EYS: variants seen among roughly 807,000 people sequenced by gnomAD.
EYS encodes the protein protein eyes shut homolog.
A neutral mutation model predicts 282.1 loss-of-function variants in EYS; 250 were observed. The ratio of observed to expected loss-of-function variants is 0.89; its 90% confidence interval spans 0.80 to 0.98. EYS has a LOEUF of 0.98. EYS is among the 50% of genes least tolerant of loss of function. EYS has a pLI of 0.00. For missense variants in EYS, 4,016 were observed against 3,709.0 expected (o/e 1.08, Z -2.15); for synonymous variants, 1,355 against 1,282.9 (o/e 1.06, Z -1.20).
At chr6:65,261,590 T>G (rs1187464909) in intron 12 of EYS, among the ~76,000 whole-genome samples, 1 of 152,050 alleles carries the variant, frequency 6.6e-6, no homozygotes, top group African/African-American at 2.4e-5. Flanking sequence ...ATAAAACAGA[T>G]AAAGCAACTA....
At chr6:65,444,029 T>G (rs1335323285) in intron 5 of EYS, among the ~76,000 whole-genome samples, 2 of 151,892 alleles carry the variant, frequency 1.3e-5, no homozygotes, top group Non-Finnish European at 2.9e-5. Flanking sequence ...GGTTCAATGG[T>G]TAAAAGTAAG....
chr6:64,538,347 TA>T (rs1764593455), intron 26 of EYS, among the ~76,000 whole-genome samples: 1 of 152,226 alleles, frequency 6.6e-6, no homozygotes, highest in South Asian at 2.1e-4. Context: ...TAACTTTTAA[TA>T]ACTTTGATTT....
chr6:63,919,180 C>T (rs1177566689), intron 35 of EYS, among the ~76,000 whole-genome samples: 1 of 151,924 alleles, frequency 6.6e-6, no homozygotes, highest in Non-Finnish European at 1.5e-5. Flanking sequence ...AGGAAGGTAG[C>T]AGTGAGTTTG....
intron 2 of EYS, among the ~76,000 whole-genome samples, chr6:65,581,918 G>A (rs950143799): frequency 1.3e-5 from 2 of 151,784 alleles, no homozygotes; most frequent in Non-Finnish European, 2.9e-5. Flanking sequence ...GGCTGGGCAT[G>A]GTGGCTCACA....
At chr6:63,753,642 C>A (rs114403409) in intron 41 of EYS, among the ~76,000 whole-genome samples, 1 of 152,126 alleles carries the variant, frequency 6.6e-6, no homozygotes, top group Admixed American at 6.5e-5. Context: ...GGAAAACTGC[C>A]CCACATGATC....
chr6:64,512,907 T>G (rs183982290), intron 26 of EYS, among the ~76,000 whole-genome samples: 1 of 152,038 alleles, frequency 6.6e-6, no homozygotes, highest in Admixed American at 6.6e-5. Flanking sequence ...TCTTTATACT[T>G]GCACATTGTT....
At chr6:64,828,219 T>TA (rs1457602284) in intron 19 of EYS, among the ~76,000 whole-genome samples, 1 of 151,282 alleles carries the variant, frequency 6.6e-6, no homozygotes, top group Admixed American at 6.6e-5. Flanking sequence ...CACCTGGAGG[T>TA]AAAAAGAGTA....
intron 19 of EYS, among the ~76,000 whole-genome samples, chr6:64,825,752 A>G (rs1281564669): frequency 2.0e-5 from 3 of 151,820 alleles, no homozygotes; most frequent in African/African-American, 7.2e-5. Flanking sequence ...TGTGTGAAAA[A>G]AGACACACAG....
At chr6:64,943,985 G>A (rs1769189730) in intron 15 of EYS, among the ~76,000 whole-genome samples, 1 of 152,062 alleles carries the variant, frequency 6.6e-6, no homozygotes, top group Non-Finnish European at 1.5e-5. Context: ...AAACAGCATG[G>A]CAGCATTGCA....
chr6:64,172,496 G>A (rs1453668889), intron 31 of EYS, among the ~76,000 whole-genome samples: 3 of 152,128 alleles, frequency 2.0e-5, no homozygotes, highest in Non-Finnish European at 2.9e-5. Context: ...ACTGGTGCAG[G>A]TGCTATGGAA....
At chr6:64,372,522 G>A (rs1222341857) in intron 29 of EYS, among the ~76,000 whole-genome samples, 1 of 151,878 alleles carries the variant, frequency 6.6e-6, no homozygotes, top group South Asian at 2.1e-4. Flanking sequence ...TGTCTTGGGG[G>A]TGGTCTTCTT....
At chr6:63,943,028 G>C (rs1471692797) in intron 35 of EYS, among the ~76,000 whole-genome samples, 1 of 152,154 alleles carries the variant, frequency 6.6e-6, no homozygotes, top group Non-Finnish European at 1.5e-5. Flanking sequence ...TATCAAATAT[G>C]TGTTAACTGT....
chr6:63,739,415 G>A (rs1769016478), intron 41 of EYS, among the ~76,000 whole-genome samples: 1 of 152,080 alleles, frequency 6.6e-6, no homozygotes, highest in Admixed American at 6.5e-5. Flanking sequence ...CAGGTCTTTG[G>A]AGCACCCCTC....
chr6:64,676,092 GGAGA>G (rs368598963), intron 22 of EYS, among the ~76,000 whole-genome samples: 1 of 145,550 alleles, frequency 6.9e-6, no homozygotes, highest in Non-Finnish European at 1.5e-5. Context: ...AGAGAGAGAG[GGAGA>G]GAGAGAGAGC....
At chr6:65,075,947 A>G (rs1420438533) in intron 12 of EYS, among the ~76,000 whole-genome samples, 1 of 152,016 alleles carries the variant, frequency 6.6e-6, no homozygotes, top group East Asian at 1.9e-4. Context: ...ATCAATGTCT[A>G]CTGCAGTTTT....
chr6:65,669,980 G>A (rs1315608752), intron 1 of EYS, among the ~76,000 whole-genome samples: 3 of 149,708 alleles, frequency 2.0e-5, no homozygotes, highest in African/African-American at 7.5e-5. Context: ...ATGATTTATT[G>A]TCTCCATCAT....
rs536106660 is a variant in EYS, at chr6:65,170,524, C to A, written c.2024-112797G>T. ...AATTTCAAAGAATTTATTACAATTTCTGGAAATAGGCCAGTTTTCTGCCAA... is the reference window on the plus strand; with the variant it reads ...AATTTCAAAGAATTTATTACAATTTATGGAAATAGGCCAGTTTTCTGCCAA... On this transcript the variant is annotated intron_variant, in intron 12 of 42. Coordinates refer to ENST00000503581, the MANE Select transcript of EYS (RefSeq NM_001142800.2). 1.6e-4 allele frequency among the ~76,000 whole-genome samples: 24 copies of A among 151,590 alleles called. No individual in the cohort carries two copies. In the East Asian group the frequency reaches 4.5e-3, roughly 29 times the overall value.
intron 15 of EYS, among the ~76,000 whole-genome samples, chr6:64,918,535 A>G (rs1286624814): frequency 6.6e-6 from 1 of 152,224 alleles, no homozygotes; most frequent in Non-Finnish European, 1.5e-5. Context: ...ACAGCTTGGA[A>G]GCATGAAGAT....
intron 12 of EYS, among the ~76,000 whole-genome samples, chr6:65,074,214 C>T (rs540474377): frequency 2.6e-5 from 4 of 151,902 alleles, no homozygotes; most frequent in East Asian, 1.9e-4. Context: ...TACAATATGC[C>T]GACTCTATGG....
Sources: allele counts gnomAD v4.1 joint callset (sites outside exome capture counted in the v4.1 genomes callset), GRCh38; gene constraint gnomAD v4.1.1; transcripts MANE v1.5; gene names NCBI Gene and HGNC (gene_info 2026-07-23, HGNC 2026-07-21).